ZNF143: variants seen among roughly 807,000 people sequenced by gnomAD.
The protein encoded by ZNF143 is SPH-binding factor.
In ZNF143, 49 loss-of-function variants were observed where a neutral mutation model predicts 74.1. That is an observed-to-expected ratio of 0.66 (90% CI 0.53 to 0.84). The LOEUF is 0.84. ZNF143 is among the 40% of genes least tolerant of loss of function. The pLI is 0.00. For synonymous variants in ZNF143, 304 were observed against 282.8 expected (o/e 1.07, Z -0.75); for missense variants, 637 against 793.4 (o/e 0.80, Z 2.37).
intron 2 of ZNF143, among the ~76,000 whole-genome samples, chr11:9,471,915 TTTTTC>T (rs990258466): frequency 9.7e-5 from 14 of 144,776 alleles, no homozygotes; most frequent in Middle Eastern, 3.8e-3. Context: ...TTTCTTTTTC[TTTTTC>T]TTTTCTTTTC....
chr11:9,465,428 G>A (rs1006235258), intron 1 of ZNF143, among the ~76,000 whole-genome samples: 1 of 151,524 alleles, frequency 6.6e-6, no homozygotes, highest in Non-Finnish European at 1.5e-5. Flanking sequence ...CTTGTGATCC[G>A]CCTGCCTTGG....
chr11:9,490,511 C>T (rs539319105), intron 7 of ZNF143, among the ~76,000 whole-genome samples: 1 of 151,554 alleles, frequency 6.6e-6, no homozygotes. Context: ...GTTTCCAACT[C>T]CTGGGCTCAA....
Position 9,508,784 on chromosome 11 carries a change from C to G in ZNF143, c.1313C>G (p.Thr438Arg). ...TCCACGCTGGCCATGCACAAACGGACAGCCCACAACGACACTGAGCCCATC... is the reference window on the plus strand; with the variant it reads ...TCCACGCTGGCCATGCACAAACGGAGAGCCCACAACGACACTGAGCCCATC... ...QISTLAMHKR[T>R]AHNDTEPIEE... The change falls in exon 12 of 16, where the codon ACA becomes AGA. Residue 438 changes from threonine to arginine, a missense_variant. This residue lies in a region of ZNF143 where 344 missense variants were observed against 485.6 expected (regional missense o/e 0.71). Coordinates refer to ENST00000396602, the MANE Select transcript of ZNF143 (RefSeq NM_003442.6). 1.2e-6 allele frequency: 2 copies of G among 1,611,140 alleles called. No individual in the cohort carries two copies. Among genetic ancestry groups the G allele is most frequent in the Non-Finnish European group, 8.5e-7 (1 of 1,178,470 alleles).
chr11:9,523,034 G>A (rs1848993807), intron 14 of ZNF143, among the ~76,000 whole-genome samples: 1 of 152,116 alleles, frequency 6.6e-6, no homozygotes, highest in African/African-American at 2.4e-5. Context: ...CTCCCAAAGT[G>A]CTAGGATTAC....
At position 9,506,268 on chromosome 11, in the gene ZNF143, GT is replaced by G. The variant is rs560915189; in HGVS notation, c.1148-2349del. On this transcript the variant is annotated intron_variant, in intron 11 of 15. Transcript: ENST00000396602. ...AATCACTTGAATCCAGGAGGTGGAG[GT>G]TGCAGTGAGTCGAGATCACACCATT... Among the ~76,000 whole-genome samples the G allele has an allele frequency of 3.4e-4, 52 of 152,350 alleles. 1 individual carries two copies. Among genetic ancestry groups the G allele is most frequent in the Middle Eastern group, 3.4e-3 (1 of 294 alleles).
rs766683132 is a variant in ZNF143 at position 9,478,515 on chromosome 11, G to C, written c.499G>C (p.Ala167Pro). Residue 167 changes from alanine to proline, a missense_variant, in exon 6 of 16, where the codon GCA (alanine) becomes CCA (proline). Ala to Pro is a conservative substitution (Grantham distance 27, BLOSUM62 -1). Transcript: ENST00000396602. ...GGCAATTCAGGCTGATGGGACAGTG[G>C]CAGGTCTGCACACTGGGGATGCTAC... ...ILAIQADGTV[A>P]GLHTGDATID... 5 of 1,614,068 alleles carry C rather than the reference G, an allele frequency of 3.1e-6. No homozygotes were observed. The African/African-American group carries it at 6.7e-5, about 22-fold the overall frequency.
At position 9,494,787 on chromosome 11, in the gene ZNF143, T is replaced by C. The variant is rs1589906324; in HGVS notation, c.765+22T>C. On this transcript the variant is annotated intron_variant, in intron 8 of 15. Transcript: ENST00000396602. ...CAAGGTATATATAAAAGAAATGTTC[T>C]ATCTAGTTATGAGAATACCTAGGAT... 1.6e-5 allele frequency: 26 copies of C among 1,591,902 alleles called. No homozygotes were observed. The East Asian group carries it at 5.8e-4, about 36-fold the overall frequency.
chr11:9,472,066 C>T (rs772587471), intron 2 of ZNF143, among the ~76,000 whole-genome samples: 3 of 150,798 alleles, frequency 2.0e-5, no homozygotes, highest in African/African-American at 7.3e-5. Context: ...GTAGCTGAGA[C>T]TACAGGCACC....
chr11:9,472,863 C>T (rs1856664715), intron 3 of ZNF143, 94 bp downstream of exon 3: 1 of 755,144 alleles, frequency 1.3e-6, no homozygotes, highest in Non-Finnish European at 2.0e-6. Flanking sequence ...TCCTATGTCT[C>T]CTAAAGATGC....
intron 7 of ZNF143, among the ~76,000 whole-genome samples, chr11:9,488,236 C>T (rs1198766196): frequency 1.3e-5 from 2 of 152,106 alleles, no homozygotes; most frequent in African/African-American, 2.4e-5. Context: ...GGCAACAGAA[C>T]GAGACCCTGT....
rs1341720212 is a variant in ZNF143 at position 9,497,667 on chromosome 11, T to C, written c.842-8T>C. ...TGTAATTAAATTTCTTTTAATTTTT[T>C]CTTAAAGGTTATGGATTAAAAAGTC... On this transcript the variant is annotated splice_region_variant and splice_polypyrimidine_tract_variant and intron_variant, in intron 9 of 15. Transcript: ENST00000396602. 6.3e-7 allele frequency: 1 copy of C among 1,580,070 alleles called. No homozygotes were observed. Among genetic ancestry groups the C allele is most frequent in the Non-Finnish European group, 8.6e-7 (1 of 1,160,822 alleles).
intron 1 of ZNF143, among the ~76,000 whole-genome samples, chr11:9,470,692 G>T (rs1300740337): frequency 6.6e-6 from 1 of 152,208 alleles, no homozygotes; most frequent in Non-Finnish European, 1.5e-5. Context: ...TCAGTGTAAG[G>T]ATTTGGGGAT....
Position 9,474,012 on chromosome 11 carries a change from A to T in ZNF143, c.277A>T (p.Ile93Leu). The T allele has an allele frequency of 6.2e-7, 1 of 1,612,876 alleles. No individual in the cohort carries two copies. Among genetic ancestry groups the T allele is most frequent in the Non-Finnish European group, 8.5e-7 (1 of 1,178,978 alleles). Residue 93 changes from isoleucine to leucine, a missense_variant, in exon 4 of 16, where the codon ATA becomes TTA. Coordinates refer to ENST00000396602, the MANE Select transcript of ZNF143 (RefSeq NM_003442.6). ...GSAAYVQHVP[I>L]PKSTGDSLRL... ...TGCGGCCTATGTTCAACATGTACCC[A>T]TACCTAAAAGTAGTAAGTATTTAAG...
chr11:9,512,664 G>T, intron 13 of ZNF143, 68 bp downstream of exon 13: 1 of 1,594,106 alleles, frequency 6.3e-7, no homozygotes, highest in South Asian at 1.1e-5. Context: ...GGCAGGCTGG[G>T]TCCCCATTGA....
At chr11:9,490,294 CTTTTT>C (rs56672880) in intron 7 of ZNF143, among the ~76,000 whole-genome samples, 1 of 94,042 alleles carries the variant, frequency 1.1e-5, no homozygotes, top group East Asian at 3.7e-4. Flanking sequence ...TTTTTTTTTG[CTTTTT>C]TTTTTTTTTG....
rs1849178880 is a variant in ZNF143, at chr11:9,527,703, G to T, written c.*90G>T. On this transcript the variant is annotated 3_prime_UTR_variant, in exon 16 of 16. Coordinates refer to ENST00000396602, the MANE Select transcript of ZNF143 (RefSeq NM_003442.6). ...AAGCCCGGGCCCAGGAAAATTAGAA[G>T]TTTTCCATTCCTGATACACTGTACA... 4.1e-6 allele frequency: 5 copies of T among 1,217,192 alleles called. No individual in the cohort carries two copies. The highest frequency in any genetic ancestry group is 6.0e-6 in the Non-Finnish European group (5 of 839,220). The allele number at this position is 1,217,192 out of a possible 1,614,324, so 75.4% of individuals were successfully genotyped here.
chr11:9,474,101 T>G lies in ZNF143; in HGVS notation c.289+77T>G, dbSNP rs549406382. ...GTATTTGCTACCTGCAGCTCCCTCTTACTACCTAAACTTGGTCTTGTTCTC... is the reference window on the plus strand; with the variant it reads ...GTATTTGCTACCTGCAGCTCCCTCTGACTACCTAAACTTGGTCTTGTTCTC... On this transcript the variant is annotated intron_variant, in intron 4 of 15. Coordinates refer to ENST00000396602, the MANE Select transcript of ZNF143 (RefSeq NM_003442.6). 5.2e-6 allele frequency: 6 copies of G among 1,158,392 alleles called. No homozygotes were observed. In the South Asian group the frequency reaches 7.4e-5, roughly 14 times the overall value. The allele number at this position is 1,158,392 out of a possible 1,614,324, so 71.8% of individuals were successfully genotyped here.
intron 7 of ZNF143, among the ~76,000 whole-genome samples, chr11:9,485,630 G>A (rs1239641014): frequency 1.3e-5 from 2 of 151,448 alleles, no homozygotes; most frequent in Non-Finnish European, 2.9e-5. Context: ...AGGAGCCACC[G>A]TGCCTGGCCT....
Position 9,473,870 on chromosome 11 carries a change from T to A in ZNF143, c.206-71T>A, listed in dbSNP as rs775202892. 4.3e-6 allele frequency: 7 copies of A among 1,612,700 alleles called. No homozygotes were observed. The Admixed American group carries it at 6.7e-5, about 15-fold the overall frequency. On this transcript the variant is annotated intron_variant, in intron 3 of 15. Transcript: ENST00000396602. Reference sequence around the variant, plus strand: ...GTTGTGTATGTTTTTATAGTTGATATCATTTTGAAATTGTATAAAGTTTAA... The same window carrying A: ...GTTGTGTATGTTTTTATAGTTGATAACATTTTGAAATTGTATAAAGTTTAA...
Sources: allele counts gnomAD v4.1 joint callset (sites outside exome capture counted in the v4.1 genomes callset), GRCh38; gene constraint gnomAD v4.1.1; regional missense constraint gnomAD v4.1.1; transcripts MANE v1.5; gene names NCBI Gene and HGNC (gene_info 2026-07-23, HGNC 2026-07-21).